HCRTR2: variants seen among roughly 807,000 people sequenced by gnomAD.
HCRTR2 encodes orexin receptor type 2.
In HCRTR2, 22 loss-of-function variants were observed where a neutral mutation model predicts 49.0. That is an observed-to-expected ratio of 0.45 (90% CI 0.32 to 0.64). The LOEUF is 0.64. Ranked by LOEUF, HCRTR2 falls within the 30% of genes least tolerant of loss-of-function variation. The probability of loss-of-function intolerance (pLI) is 0.04; values close to 1 mark genes in which losing one functional copy is unlikely to be tolerated. For synonymous variants in HCRTR2, 236 were observed against 205.3 expected, an observed-to-expected ratio of 1.15 and a Z score of -1.28; for missense variants, 491 against 559.4, an observed-to-expected ratio of 0.88 and a Z score of 1.23.
intron 1 of HCRTR2, among the ~76,000 whole-genome samples, chr6:55,150,319 C>CTTATTA (rs113621822): frequency 2.0e-5 from 3 of 150,904 alleles, no homozygotes; most frequent in Admixed American, 1.3e-4. Context: ...GTTCTTTCTT[C>CTTATTA]TTATTATTAT....
chr6:55,108,371 C>T (rs577977079), intron 1 of HCRTR2, among the ~76,000 whole-genome samples: 1 of 152,120 alleles, frequency 6.6e-6, no homozygotes, highest in Non-Finnish European at 1.5e-5. Context: ...TTCACAGACC[C>T]TTTGAAAGAA....
intron 1 of HCRTR2, among the ~76,000 whole-genome samples, chr6:55,220,819 C>T (rs903557992): frequency 4.6e-5 from 7 of 152,092 alleles, no homozygotes; most frequent in East Asian, 1.9e-4. Context: ...CTAAAAATCA[C>T]ACAAGGAAAC....
chr6:55,140,572 A>G (rs1187852429), intron 1 of HCRTR2, among the ~76,000 whole-genome samples: 1 of 152,184 alleles, frequency 6.6e-6, no homozygotes, highest in Non-Finnish European at 1.5e-5. Flanking sequence ...ATCACAGCAC[A>G]TTATTTATAA....
intron 1 of HCRTR2, among the ~76,000 whole-genome samples, chr6:55,183,809 T>C (rs1178097682): frequency 6.6e-6 from 1 of 151,838 alleles, no homozygotes; most frequent in African/African-American, 2.4e-5. Context: ...AAGAAAAACA[T>C]AAAGTGAGAA....
At chr6:55,235,755 G>A (rs9464213) in intron 1 of HCRTR2, among the ~76,000 whole-genome samples, 2 of 151,872 alleles carry the variant, frequency 1.3e-5, no homozygotes, top group African/African-American at 4.8e-5. Context: ...GCAGTACATG[G>A]CACTTTTGTC....
Position 55,206,814 on chromosome 6 carries a change from C to CA in HCRTR2, c.223+32010dup, listed in dbSNP as rs542960445. On this transcript the variant is annotated intron_variant, in intron 1 of 6. Coordinates refer to ENST00000370862, the MANE Select transcript of HCRTR2 (RefSeq NM_001384272.1). The stretch of plus-strand genomic sequence containing the variant: ...CATGATCCTCTTGAAAAGATCACAT[C>CA]AAAAAAGGCAAAATAATTGCATAAT... Among the ~76,000 whole-genome samples the CA allele has an allele frequency of 7.4e-4, 113 of 151,930 alleles. 3 individuals carry two copies. In the South Asian group the frequency reaches 0.017, roughly 23 times the overall value.
intron 1 of HCRTR2, among the ~76,000 whole-genome samples, chr6:55,139,094 G>A (rs565221456): frequency 2.4e-4 from 37 of 152,290 alleles, no homozygotes; most frequent in Admixed American, 8.5e-4. Flanking sequence ...GAAACCCAAG[G>A]TAGGAATGGC....
intron 1 of HCRTR2, among the ~76,000 whole-genome samples, chr6:55,199,073 A>G (rs1765466219): frequency 6.6e-6 from 1 of 152,202 alleles, no homozygotes; most frequent in East Asian, 1.9e-4. Flanking sequence ...GTACACTAAT[A>G]TGAAGAGTGG....
chr6:55,210,738 A>G (rs564889944), intron 1 of HCRTR2, among the ~76,000 whole-genome samples: 1 of 152,232 alleles, frequency 6.6e-6, no homozygotes, highest in South Asian at 2.1e-4. Context: ...CATCCTTACG[A>G]CAAATTTCTA....
In HCRTR2 at chr6:55,130,353, T is replaced by C. The variant is rs191586165; in HGVS notation, c.-378+23808T>C. Among the ~76,000 whole-genome samples, 676 of 151,848 alleles carry C rather than the reference T, an allele frequency of 4.5e-3. 2 individuals are homozygous for C. The highest frequency in any genetic ancestry group is 0.015 in the African/African-American group (633 of 41,422). ...ACCACAATGTAGTAACTTTTACCAG[T>C]TGGAGAATTGGTAACCTTTTTTTTG... On this transcript the variant is annotated intron_variant, in intron 1 of 7. Coordinates refer to the HCRTR2 transcript ENST00000615358.
chr6:55,227,202 A>G (rs1368641481), intron 1 of HCRTR2, among the ~76,000 whole-genome samples: 1 of 152,140 alleles, frequency 6.6e-6, no homozygotes, highest in Non-Finnish European at 1.5e-5. Context: ...ATTATGCATT[A>G]TGTTAAGTGG....
At chr6:55,130,386 G>GT (rs138470553) in intron 1 of HCRTR2, among the ~76,000 whole-genome samples, 20,441 of 145,092 alleles carry the variant, frequency 0.14, 2,318 homozygotes, top group African/African-American at 0.32. Context: ...TTGTTGTTTT[G>GT]TTTTTTTTTT....
chr6:55,173,184 A>G (rs1366040831), upstream of HCRTR2, among the ~76,000 whole-genome samples: 2 of 152,248 alleles, frequency 1.3e-5, no homozygotes, highest in Non-Finnish European at 2.9e-5. Context: ...TAGCACCAAG[A>G]TGCAAACTAG....
At chr6:55,142,159 G>A (rs998465642) in intron 1 of HCRTR2, among the ~76,000 whole-genome samples, 26 of 151,924 alleles carry the variant, frequency 1.7e-4, no homozygotes, top group African/African-American at 5.8e-4. Context: ...GAGAAATGAT[G>A]GCATTTGTCA....
intron 1 of HCRTR2, among the ~76,000 whole-genome samples, chr6:55,115,117 A>T (rs1240756755): frequency 6.6e-6 from 1 of 151,772 alleles, no homozygotes; most frequent in Non-Finnish European, 1.5e-5. Flanking sequence ...AGTTAGTATA[A>T]TCCTGAGTTT....
chr6:55,261,184 C>T (rs917711376), intron 3 of HCRTR2, among the ~76,000 whole-genome samples: 1 of 152,042 alleles, frequency 6.6e-6, no homozygotes, highest in South Asian at 2.1e-4. Context: ...GTGATATATT[C>T]GAATACAAGT....
chr6:55,129,423 A>AG (rs925285031), intron 1 of HCRTR2, among the ~76,000 whole-genome samples: 1 of 152,146 alleles, frequency 6.6e-6, no homozygotes, highest in Non-Finnish European at 1.5e-5. Flanking sequence ...TGTAAGTAAG[A>AG]GTTAATCAAA....
chr6:55,270,751 T>A (rs890801332), intron 4 of HCRTR2, among the ~76,000 whole-genome samples: 3 of 152,228 alleles, frequency 2.0e-5, no homozygotes, highest in Non-Finnish European at 4.4e-5. Flanking sequence ...CTACAAGATA[T>A]CTTTTTATGT....
At position 55,121,540 on chromosome 6, in the gene HCRTR2, A is replaced by G. The variant is rs567232421; in HGVS notation, c.-378+14995A>G. Among the ~76,000 whole-genome samples, 8 of 152,262 alleles carry G rather than the reference A, an allele frequency of 5.3e-5. No individual in the cohort carries two copies. The South Asian group carries it at 1.7e-3, about 31-fold the overall frequency. ...AGAGAGGGCATCCCTGTCTTGTGCC[A>G]GTTTTCAAAGGGAATGCTTCCAGTT... On this transcript the variant is annotated intron_variant, in intron 1 of 7. Coordinates refer to the HCRTR2 transcript ENST00000615358.
Sources: allele counts gnomAD v4.1 joint callset (sites outside exome capture counted in the v4.1 genomes callset), GRCh38; gene constraint gnomAD v4.1.1; transcripts MANE v1.5; gene names NCBI Gene and HGNC (gene_info 2026-07-23, HGNC 2026-07-21).